The following NOMO1 variants were observed in gnomAD, a reference collection of about 807,000 sequenced individuals.
NOMO1 encodes NODAL modulator 1.
NOMO1 carries 40 observed loss-of-function variants against 133.8 expected under a neutral mutation model. The ratio of observed to expected loss-of-function variants is 0.30; its 90% CI spans 0.23 to 0.39. The LOEUF (loss-of-function observed/expected upper bound fraction) is 0.39. Ranked by LOEUF, NOMO1 falls within the 10% of genes least tolerant of loss-of-function variation. NOMO1 has a pLI of 1.00. For missense variants in NOMO1, 462 were observed against 1,419.9 expected (o/e 0.33, Z 10.84); for synonymous variants, 236 against 570.5 (o/e 0.41, Z 8.36).
At chr16:14,856,310 A>G (rs1174224763) in intron 9 of NOMO1, among the ~76,000 whole-genome samples, 1 of 152,098 alleles carries the variant, frequency 6.6e-6, no homozygotes, top group East Asian at 1.9e-4. Context: ...CTGCAGAGAA[A>G]GCACCGGTGT....
intron 7 of NOMO1, among the ~76,000 whole-genome samples, 173 bp downstream of exon 7, chr16:14,852,755 C>CT (rs1321808629): frequency 6.6e-6 from 1 of 151,602 alleles, no homozygotes; most frequent in Admixed American, 6.6e-5. Flanking sequence ...AATCCCAGCA[C>CT]TTTGGGAGGC....
rs1233582189 is a variant in NOMO1 at position 14,857,506 on chromosome 16, TAAAAC to T, written c.1076_1080del (p.Thr359SerfsTer2). On this transcript the variant is annotated frameshift_variant and splice_region_variant, in exon 11 of 31. Transcript: ENST00000287667. LOFTEE classifies it high-confidence loss of function. The stretch of plus-strand genomic sequence containing the variant: ...TGTTTGTGTGTTTTTGTTTTACAGT[TAAAAC>T]AAAAGCTGATGGCTCATTCCGCCTT... The T allele has an allele frequency of 4.3e-6, 7 of 1,609,362 alleles. No homozygotes were observed. Among genetic ancestry groups the T allele is most frequent in the South Asian group, 2.2e-5 (2 of 90,812 alleles).
intron 11 of NOMO1, among the ~76,000 whole-genome samples, chr16:14,859,304 G>A: frequency 6.6e-6 from 1 of 152,096 alleles, no homozygotes; most frequent in South Asian, 2.1e-4. Context: ...GACAGATGGA[G>A]GTCGAGGTCA....
At chr16:14,835,382 G>T (rs1377657140) in intron 1 of NOMO1, among the ~76,000 whole-genome samples, 2 of 151,164 alleles carry the variant, frequency 1.3e-5, no homozygotes, top group Non-Finnish European at 2.9e-5. Context: ...TCTGCACTGG[G>T]GACAGGACGC....
chr16:14,874,047 C>T (rs1323312934), intron 18 of NOMO1, among the ~76,000 whole-genome samples: 1 of 40,440 alleles, frequency 2.5e-5, no homozygotes, highest in Admixed American at 4.3e-4. Context: ...TCTGGGGTCA[C>T]TGTAGCAGCT....
chr16:14,841,004 T>TA (rs1417438879), intron 2 of NOMO1, among the ~76,000 whole-genome samples: 1 of 151,540 alleles, frequency 6.6e-6, no homozygotes, highest in Non-Finnish European at 1.5e-5. Flanking sequence ...TTCCTGAAGA[T>TA]ACATGCTAAC....
rs915205553 is a variant in NOMO1, at chr16:14,859,956, G to A, written c.1220+2301G>A. Among the ~76,000 whole-genome samples, 9 of 152,118 alleles carry A rather than the reference G, an allele frequency of 5.9e-5. No individual in the cohort carries two copies. The East Asian group carries it at 1.5e-3, about 26-fold the overall frequency. On this transcript the variant is annotated intron_variant, in intron 11 of 30. Coordinates refer to ENST00000287667, the MANE Select transcript of NOMO1 (RefSeq NM_014287.4). ...TCAGAGGCCTGCATAGGATAGGAAG[G>A]ACCTGAAAGGCAGTCTGCGCAGCTG...
In NOMO1 at chr16:14,882,595, C is replaced by T. The variant is rs201720548; in HGVS notation, c.3029C>T (p.Pro1010Leu). Residue 1010 changes from proline to leucine, a missense_variant and splice_region_variant, in exon 26 of 31, where the codon CCG becomes CTG. Coordinates refer to ENST00000287667, the MANE Select transcript of NOMO1 (RefSeq NM_014287.4). ...GCTGACTCCTGAGTTTTTTTGCAGCCGGGATGTGTGTACCACGTTCAGCTC... is the reference window on the plus strand; with the variant it reads ...GCTGACTCCTGAGTTTTTTTGCAGCTGGGATGTGTGTACCACGTTCAGCTC... ...EGKFRLRGLL[P>L]GCVYHVQLKA... is the part of the protein sequence containing the mutation. 8.1e-6 allele frequency: 13 copies of T among 1,611,340 alleles called. No homozygotes were observed. Among genetic ancestry groups the T allele is most frequent in the African/African-American group, 2.7e-5 (2 of 74,582 alleles).
Position 14,840,063 on chromosome 16 carries a change from C to G in NOMO1, c.256-1299C>G, listed in dbSNP as rs375770947. Among the ~76,000 whole-genome samples, 1,257 of 132,554 alleles carry G rather than the reference C, an allele frequency of 9.5e-3. 10 individuals carry two copies. The highest frequency in any genetic ancestry group is 0.03 in the East Asian group (128 of 4,300). 87.0% of individuals were successfully genotyped at this position (132,554 alleles called of 152,430 possible). A position where few individuals can be genotyped will look rare whatever the true frequency, so the allele number is the denominator to read the frequency against. On this transcript the variant is annotated intron_variant, in intron 2 of 30. Transcript: ENST00000287667. The stretch of plus-strand genomic sequence containing the variant: ...CTCAGCCTACTGACTTCTTTTTAAT[C>G]GCTGCATAGTGTGTCAGAGTCAAAC...
At chr16:14,877,496 T>C (rs1455948078) in intron 22 of NOMO1, among the ~76,000 whole-genome samples, 12 of 151,268 alleles carry the variant, frequency 7.9e-5, no homozygotes, top group Non-Finnish European at 1.0e-4. Context: ...AACTGAAAGA[T>C]ATTCAAACTC....
chr16:14,893,148 A>C lies in NOMO1; in HGVS notation c.3445-1850A>C. On this transcript the variant is annotated intron_variant, in intron 29 of 30. Transcript: ENST00000287667. ...CCAGTGAGGCCTGGGACCTGAGCCT[A>C]GACTGAATCACTCTAATTCCTGCTG... 1.3e-5 allele frequency among the ~76,000 whole-genome samples: 2 copies of C among 151,044 alleles called. 1 individual carries two copies. The highest frequency in any genetic ancestry group is 2.9e-5 in the Non-Finnish European group (2 of 67,842).
chr16:14,867,700 T>C (rs1278555298), intron 15 of NOMO1, among the ~76,000 whole-genome samples: 4 of 148,710 alleles, frequency 2.7e-5, no homozygotes, highest in South Asian at 4.3e-4. Context: ...AGTTTCTCTG[T>C]AGAGAAACTA....
intron 9 of NOMO1, among the ~76,000 whole-genome samples, chr16:14,855,203 G>A (rs545035592): frequency 2.0e-5 from 3 of 151,734 alleles, no homozygotes; most frequent in African/African-American, 7.3e-5. Flanking sequence ...TGCCATGGCC[G>A]TAAACCAGGT....
intron 28 of NOMO1, among the ~76,000 whole-genome samples, chr16:14,887,378 C>G (rs1393196333): frequency 6.6e-6 from 1 of 151,708 alleles, no homozygotes; most frequent in African/African-American, 2.4e-5. Flanking sequence ...ACTGCAAGCT[C>G]CGCCTCCTGG....
intron 16 of NOMO1, among the ~76,000 whole-genome samples, chr16:14,869,410 CG>C (rs1488614492): frequency 7.2e-6 from 1 of 138,928 alleles, no homozygotes; most frequent in Non-Finnish European, 1.5e-5. Flanking sequence ...CCTCTGTGCC[CG>C]TTGACAGTTA....
intron 28 of NOMO1, among the ~76,000 whole-genome samples, chr16:14,887,478 T>C (rs1419247650): frequency 7.2e-5 from 11 of 151,832 alleles, no homozygotes; most frequent in Admixed American, 7.2e-4. Flanking sequence ...TTTTTTTTAT[T>C]TTTAGTAGAG....
rs1025387799 is a variant in NOMO1 at position 14,866,755 on chromosome 16, C to T, written c.1806+64C>T. The T allele has an allele frequency of 1.1e-4, 182 of 1,609,502 alleles. 2 individuals carry two copies. Among genetic ancestry groups the T allele is most frequent in the South Asian group, 9.5e-4 (86 of 90,882 alleles). On this transcript the variant is annotated intron_variant, in intron 15 of 30. Transcript: ENST00000287667. ...CTCGCCTTGTGGATGTCAAGAAAGA[C>T]TAACATCCCAGGAATATTGTAAACG...
chr16:14,894,924 G>C, intron 29 of NOMO1, 74 bp from the exon 30 acceptor site: 1 of 1,611,360 alleles, frequency 6.2e-7, no homozygotes, highest in South Asian at 1.1e-5. Flanking sequence ...TGGGTGGGTG[G>C]TGGCTGTGGC....
chr16:14,850,742 G>C (rs1567538313), intron 6 of NOMO1, among the ~76,000 whole-genome samples: 3 of 151,842 alleles, frequency 2.0e-5, no homozygotes, highest in Non-Finnish European at 4.4e-5. Context: ...TACTGTTTAT[G>C]ACTTTTGGTT....
Sources: gnomAD v4.1 joint callset for allele counts (sites outside exome capture counted in the v4.1 genomes callset) on GRCh38, gnomAD v4.1.1 for gene constraint, MANE v1.5 for transcripts, NCBI Gene and HGNC (gene_info 2026-07-23, HGNC 2026-07-21) for gene names.